The following SCN2A variants were observed in gnomAD, a reference collection of about 807,000 sequenced individuals.
SCN2A encodes the protein sodium channel protein type 2 subunit alpha.
SCN2A carries 20 observed loss-of-function variants against 188.7 expected under a neutral mutation model. The observed-to-expected ratio is 0.11, with a 90% CI of 0.07 to 0.15. The LOEUF (loss-of-function observed/expected upper bound fraction) is 0.15. Among genes scored for constraint, SCN2A ranks in the 10% least tolerant of loss-of-function variants. The pLI, the probability that SCN2A is intolerant of heterozygous loss-of-function variation, is 1.00. For synonymous variants in SCN2A, 804 were observed against 833.1 expected (o/e 0.97, Z 0.60); for missense variants, 1,278 against 2,445.0 (o/e 0.52, Z 10.07).
chr2:165,341,110 T>G (rs1019429857), intron 14 of SCN2A, among the ~76,000 whole-genome samples: 6 of 152,160 alleles, frequency 3.9e-5, no homozygotes, highest in African/African-American at 1.2e-4. Flanking sequence ...TGTTTGTTTT[T>G]TGAGACGGAG....
chr2:165,256,169 C>A (rs1181733508), intron 1 of SCN2A, among the ~76,000 whole-genome samples: 1 of 151,820 alleles, frequency 6.6e-6, no homozygotes, highest in Non-Finnish European at 1.5e-5. Context: ...CCACGGCCGA[C>A]TAATTATGTA....
intron 17 of SCN2A, among the ~76,000 whole-genome samples, chr2:165,355,892 G>A (rs973465518): frequency 6.6e-6 from 1 of 151,648 alleles, no homozygotes; most frequent in Non-Finnish European, 1.5e-5. Flanking sequence ...CCAGCTACTC[G>A]GGAGGCTGAG....
chr2:165,262,266 G>A (rs961427192), intron 1 of SCN2A, among the ~76,000 whole-genome samples: 1 of 152,040 alleles, frequency 6.6e-6, no homozygotes, highest in Non-Finnish European at 1.5e-5. Flanking sequence ...GGTGGTGTTT[G>A]GTTACATGGA....
Position 165,342,486 on chromosome 2 carries a change from T to A in SCN2A, c.2562+17T>A. 6.2e-7 allele frequency: 1 copy of A among 1,613,442 alleles called. No homozygotes were observed. Among genetic ancestry groups the A allele is most frequent in the Non-Finnish European group, 8.5e-7 (1 of 1,179,494 alleles). ...TTCCGGCTGGTAAATTAACTGGGAG[T>A]GTTCATAAAATGTACTTTGTAATTA... On this transcript the variant is annotated intron_variant, in intron 15 of 26. Transcript: ENST00000375437.
At chr2:165,309,502 C>T (rs116336413) in intron 6 of SCN2A, 59 bp downstream of exon 6, 2 of 1,596,482 alleles carry the variant, frequency 1.3e-6, no homozygotes, top group African/African-American at 1.3e-5. Flanking sequence ...ACAATCACAG[C>T]TTTTGTGCAG....
chr2:165,281,960 A>G (rs1159497136), intron 1 of SCN2A, among the ~76,000 whole-genome samples: 1 of 152,132 alleles, frequency 6.6e-6, no homozygotes, highest in African/African-American at 2.4e-5. Context: ...GGATAGGTTC[A>G]ACACTACCTG....
intron 8 of SCN2A, 22 bp from the exon 9 acceptor site, chr2:165,313,598 C>T: frequency 1.2e-6 from 2 of 1,612,960 alleles, no homozygotes; most frequent in Non-Finnish European, 1.7e-6. Flanking sequence ...GACTTCCTTT[C>T]TTTCCTCTAA....
chr2:165,346,925 TAA>T (rs886863663), intron 16 of SCN2A, among the ~76,000 whole-genome samples: 3 of 152,184 alleles, frequency 2.0e-5, no homozygotes, highest in African/African-American at 7.2e-5. Context: ...TGGCGATCAT[TAA>T]AAAGTCAGGA....
At chr2:165,243,284 C>T (rs986810613) in intron 1 of SCN2A, among the ~76,000 whole-genome samples, 1 of 152,024 alleles carries the variant, frequency 6.6e-6, no homozygotes, top group African/African-American at 2.4e-5. Context: ...TTCATTAGCA[C>T]GTTCACCAGG....
chr2:165,314,424 A>AT (rs553343768), intron 10 of SCN2A, among the ~76,000 whole-genome samples: 26 of 152,172 alleles, frequency 1.7e-4, no homozygotes, highest in Non-Finnish European at 3.1e-4. Flanking sequence ...ATAAACCTAC[A>AT]TGTCCTCAGT....
chr2:165,373,603 G>A (rs1701159805), intron 21 of SCN2A, among the ~76,000 whole-genome samples: 1 of 152,100 alleles, frequency 6.6e-6, no homozygotes, highest in South Asian at 2.1e-4. Flanking sequence ...CTATAGTTAT[G>A]CTGCTGATTT....
Position 165,389,896 on chromosome 2 carries a change from A to C in SCN2A, c.*72A>C. 2.6e-6 allele frequency: 4 copies of C among 1,537,084 alleles called. No individual in the cohort carries two copies. Among genetic ancestry groups the C allele is most frequent in the Non-Finnish European group, 3.5e-6 (4 of 1,146,888 alleles). On this transcript the variant is annotated 3_prime_UTR_variant, in exon 27 of 27. Transcript: ENST00000375437. The surrounding 1 kb of genome is among the most constrained non-coding windows in gnomAD (Gnocchi z 4.2). ...GTGATGGTGATGTGTTTGTGTCAAC[A>C]GGACTCCCACAGGAGGTCTATGCCA...
At chr2:165,252,588 C>G (rs1476697286) in intron 1 of SCN2A, among the ~76,000 whole-genome samples, 1 of 151,594 alleles carries the variant, frequency 6.6e-6, no homozygotes, top group Non-Finnish European at 1.5e-5. Flanking sequence ...CTGGGAAATT[C>G]TTGCTGATTT....
At chr2:165,353,775 C>T (rs941042395) in intron 16 of SCN2A, among the ~76,000 whole-genome samples, 2 of 152,076 alleles carry the variant, frequency 1.3e-5, no homozygotes, top group African/African-American at 2.4e-5. Flanking sequence ...GGGATCTGAC[C>T]CCATCATCCA....
chr2:165,240,659 CTGTGTGTGTG>C (rs35247335), intron 1 of SCN2A, among the ~76,000 whole-genome samples: 2 of 136,382 alleles, frequency 1.5e-5, no homozygotes, highest in African/African-American at 2.8e-5. Context: ...GTGGAAAGAG[CTGTGTGTGTG>C]TGTGTGTGTG....
intron 8 of SCN2A, among the ~76,000 whole-genome samples, chr2:165,312,622 T>C (rs964670243): frequency 2.6e-5 from 4 of 152,038 alleles, no homozygotes; most frequent in Non-Finnish European, 5.9e-5. Context: ...AATAATAGGG[T>C]TTTTGTGATG....
chr2:165,329,691 A>G (rs1376957435), intron 13 of SCN2A, among the ~76,000 whole-genome samples: 3 of 152,172 alleles, frequency 2.0e-5, no homozygotes, highest in Non-Finnish European at 2.9e-5. Flanking sequence ...TTATGGCAGT[A>G]TACAGACAAA....
chr2:165,340,310 C>CA (rs1699242715), intron 14 of SCN2A, among the ~76,000 whole-genome samples: 1 of 104,386 alleles, frequency 9.6e-6, no homozygotes, highest in South Asian at 3.0e-4. Flanking sequence ...ACCTACTGAA[C>CA]AAAAAAGAAA....
chr2:165,239,743 C>A, intron 1 of SCN2A, 103 bp downstream of exon 1: 1 of 462,526 alleles, frequency 2.2e-6, no homozygotes, highest in Non-Finnish European at 2.8e-6. Context: ...GTATTCAGAT[C>A]TAAGAGATTC....
Sources: gnomAD v4.1 joint callset for allele counts (sites outside exome capture counted in the v4.1 genomes callset) on GRCh38, gnomAD v4.1.1 for gene constraint, Gnocchi (gnomAD v3.1) non-coding constraint, MANE v1.5 for transcripts, NCBI Gene and HGNC (gene_info 2026-07-23, HGNC 2026-07-21) for gene names.